The following CMKLR2 variants were observed in gnomAD, a reference collection of about 807,000 sequenced individuals.
The protein encoded by CMKLR2 is chemerin-like receptor 2.
CMKLR2 carries 18 observed loss-of-function variants against 23.0 expected under a neutral mutation model. The observed-to-expected ratio is 0.78, with a 90% CI of 0.54 to 1.16. The LOEUF (loss-of-function observed/expected upper bound fraction) is 1.16, where lower values mean the gene tolerates loss of function less well. Ranked by LOEUF, CMKLR2 falls within the 50% of genes most tolerant of loss-of-function variation. The pLI, the probability that CMKLR2 is intolerant of heterozygous loss-of-function variation, is 0.00. For missense variants in CMKLR2, 401 were observed against 412.7 expected (o/e 0.97, Z 0.25); for synonymous variants, 158 against 158.9 (o/e 0.99, Z 0.05).
Position 206,176,765 on chromosome 2 carries a change from G to C in CMKLR2, c.483C>G (p.Ile161Met). ...LKNSLIVIIF[I>M]WLLASLIGGP... ...CGCCAATTAGAGAAGCCAAAAGCCAGATGAATATAATGACAATCAGAGAGT... is the reference window on the plus strand; with the variant it reads ...CGCCAATTAGAGAAGCCAAAAGCCACATGAATATAATGACAATCAGAGAGT... The change falls in exon 2 of 2, where the codon ATC (isoleucine) becomes ATG (methionine). Residue 161 changes from isoleucine (I) to methionine (M), a missense_variant. By Grantham distance (10) the Ile-to-Met change is conservative (BLOSUM62 1). Transcript: ENST00000621141. The C allele has an allele frequency of 6.2e-7, 1 of 1,614,166 alleles. No individual in the cohort carries two copies. The highest frequency in any genetic ancestry group is 1.7e-4 in the Middle Eastern group (1 of 6,060).
At chr2:206,191,563 G>A (rs1688746978) in intron 1 of CMKLR2, among the ~76,000 whole-genome samples, 1 of 152,062 alleles carries the variant, frequency 6.6e-6, no homozygotes, top group South Asian at 2.1e-4. Context: ...TCTGAGTTGG[G>A]GACCCCTGTG....
intron 1 of CMKLR2, among the ~76,000 whole-genome samples, chr2:206,184,832 A>G: frequency 6.6e-6 from 1 of 152,148 alleles, no homozygotes; most frequent in East Asian, 1.9e-4. Context: ...ACAGACAACT[A>G]TTTCTTCCCT....
chr2:206,188,663 A>G (rs766989265), intron 1 of CMKLR2, among the ~76,000 whole-genome samples: 35 of 152,220 alleles, frequency 2.3e-4, no homozygotes, highest in Non-Finnish European at 3.4e-4. Context: ...AAGTGAAGGG[A>G]CATATTTACT....
intron 1 of CMKLR2, among the ~76,000 whole-genome samples, chr2:206,179,469 C>T (rs1449132229): frequency 3.3e-5 from 5 of 149,458 alleles, no homozygotes; most frequent in Admixed American, 6.7e-5. Context: ...CTCCACCTCC[C>T]GGGTTCAAGT....
Position 206,179,043 on chromosome 2 carries a change from C to T in CMKLR2, c.-28-1768G>A, listed in dbSNP as rs1240758848. Among the ~76,000 whole-genome samples the T allele has an allele frequency of 3.1e-5, 4 of 127,928 alleles. No homozygotes were observed. The East Asian group carries it at 6.5e-4, about 21-fold the overall frequency. The allele number at this position is 127,928 out of a possible 152,430, so 83.9% of individuals were successfully genotyped here. The stretch of plus-strand genomic sequence containing the variant: ...ACCAAAGTAAGTTTTATTTTGTGCC[C>T]GCTCCCTGTCCCTTTTTTTTTTTTT... On this transcript the variant is annotated intron_variant, in intron 1 of 1. Transcript: ENST00000621141.
At chr2:206,207,996 C>T (rs955315987) in intron 1 of CMKLR2, among the ~76,000 whole-genome samples, 4 of 151,808 alleles carry the variant, frequency 2.6e-5, no homozygotes, top group Non-Finnish European at 4.4e-5. Context: ...CACTTCGGCC[C>T]CTCAAAGTGC....
chr2:206,213,913 G>A (rs1200136842), upstream of CMKLR2, among the ~76,000 whole-genome samples: 1 of 152,112 alleles, frequency 6.6e-6, no homozygotes, highest in Non-Finnish European at 1.5e-5. Context: ...GAGTGCAATG[G>A]CACAATCTCG....
At chr2:206,210,710 C>T (rs59689450) in intron 1 of CMKLR2, among the ~76,000 whole-genome samples, 4,150 of 152,254 alleles carry the variant, frequency 0.027, 120 homozygotes, top group East Asian at 0.12. Flanking sequence ...ATCAGTCTGC[C>T]TCAGCCTCCC....
chr2:206,185,548 C>T (rs1421354225), intron 1 of CMKLR2, among the ~76,000 whole-genome samples: 2 of 152,296 alleles, frequency 1.3e-5, no homozygotes, highest in Admixed American at 6.5e-5. Context: ...CATATAGATG[C>T]TTTTCAGCCT....
At chr2:206,191,126 T>C (rs113453584) in intron 1 of CMKLR2, among the ~76,000 whole-genome samples, 6 of 152,198 alleles carry the variant, frequency 3.9e-5, no homozygotes, top group Non-Finnish European at 5.9e-5. Flanking sequence ...GACTGCCTGC[T>C]CTCAAATCCC....
chr2:206,180,094 C>A (rs887201376), intron 1 of CMKLR2, among the ~76,000 whole-genome samples: 1 of 151,956 alleles, frequency 6.6e-6, no homozygotes, highest in South Asian at 2.1e-4. Flanking sequence ...GACTTACCTT[C>A]CTGCAGATAA....
intron 1 of CMKLR2, among the ~76,000 whole-genome samples, chr2:206,210,138 A>G (rs554318235): frequency 1.3e-4 from 20 of 150,246 alleles, no homozygotes; most frequent in Middle Eastern, 3.6e-3. Flanking sequence ...TAATTTTTGT[A>G]TTTTTAGTAG....
At chr2:206,215,843 T>C (rs370187579), upstream of CMKLR2, among the ~76,000 whole-genome samples, 3 of 152,328 alleles carry the variant, frequency 2.0e-5, no homozygotes, top group South Asian at 4.1e-4. Context: ...GTGCATTGGT[T>C]AAGCTGGTGG....
chr2:206,188,404 A>G (rs1453306910), intron 1 of CMKLR2, among the ~76,000 whole-genome samples: 2 of 152,244 alleles, frequency 1.3e-5, no homozygotes, highest in African/African-American at 4.8e-5. Flanking sequence ...AGAAAAGAAG[A>G]AATAGCTACT....
chr2:206,216,074 T>C (rs1689744352), upstream of CMKLR2, among the ~76,000 whole-genome samples: 1 of 152,192 alleles, frequency 6.6e-6, no homozygotes, highest in Non-Finnish European at 1.5e-5. Flanking sequence ...TTTTGCCACT[T>C]TCTAAAAAAC....
chr2:206,214,709 C>T (rs972594658), upstream of CMKLR2, among the ~76,000 whole-genome samples: 4 of 151,998 alleles, frequency 2.6e-5, no homozygotes, highest in Non-Finnish European at 5.9e-5. Flanking sequence ...CTGCAAGCTC[C>T]GCCTTCTGGG....
At chr2:206,188,649 A>G (rs1688655246) in intron 1 of CMKLR2, among the ~76,000 whole-genome samples, 1 of 152,192 alleles carries the variant, frequency 6.6e-6, no homozygotes. Flanking sequence ...TTATGTTCCA[A>G]AGAAAGTGAA....
chr2:206,184,445 C>T (rs576186961), intron 1 of CMKLR2, among the ~76,000 whole-genome samples: 12 of 152,034 alleles, frequency 7.9e-5, no homozygotes, highest in Non-Finnish European at 1.2e-4. Flanking sequence ...TACAGATGTG[C>T]GCCACCACAT....
At chr2:206,201,724 A>T (rs1387532474) in intron 1 of CMKLR2, among the ~76,000 whole-genome samples, 1 of 152,020 alleles carries the variant, frequency 6.6e-6, no homozygotes, top group Non-Finnish European at 1.5e-5. Flanking sequence ...ATCCAATTCT[A>T]CTTGAACTGA....
Sources: allele counts gnomAD v4.1 joint callset (sites outside exome capture counted in the v4.1 genomes callset), GRCh38; gene constraint gnomAD v4.1.1; transcripts MANE v1.5; gene names NCBI Gene and HGNC (gene_info 2026-07-23, HGNC 2026-07-21).